The following PTPRE variants were observed in gnomAD, a reference collection of about 807,000 sequenced individuals.
PTPRE encodes the protein protein tyrosine phosphatase receptor type E.
In PTPRE, 51 loss-of-function variants were observed where a neutral mutation model predicts 102.0. The ratio of observed to expected loss-of-function variants is 0.50; its 90% CI spans 0.40 to 0.63. The LOEUF (loss-of-function observed/expected upper bound fraction) is 0.63. Among genes scored for constraint, PTPRE ranks in the 30% least tolerant of loss-of-function variants. The pLI is 0.00. For synonymous variants in PTPRE, 345 were observed against 348.2 expected (o/e 0.99, Z 0.10); for missense variants, 752 against 915.1 (o/e 0.82, Z 2.30).
chr10:127,952,049 T>C lies in PTPRE; in HGVS notation c.-30-30225T>C, dbSNP rs557158075. 1.2e-4 allele frequency among the ~76,000 whole-genome samples: 19 copies of C among 152,320 alleles called. No individual in the cohort carries two copies. In the East Asian group the frequency reaches 3.7e-3, roughly 29 times the overall value. On this transcript the variant is annotated intron_variant, in intron 1 of 20. Transcript: ENST00000254667. The stretch of plus-strand genomic sequence containing the variant: ...TCCAGAAGGCCCACCTGAAGCAGTT[T>C]GCCTTCAGCTGACAAGGCTAGCAAT...
At chr10:127,915,138 C>T (rs1383651936) in intron 1 of PTPRE, among the ~76,000 whole-genome samples, 2 of 152,194 alleles carry the variant, frequency 1.3e-5, no homozygotes, top group African/African-American at 2.4e-5. Flanking sequence ...AAGAGAATAA[C>T]ACATTTTAGC....
chr10:128,070,757 C>G lies in PTPRE; in HGVS notation c.1294-51C>G, dbSNP rs1336960413. 6.4e-7 allele frequency: 1 copy of G among 1,568,108 alleles called. No individual in the cohort carries two copies. Among genetic ancestry groups the G allele is most frequent in the South Asian group, 1.1e-5 (1 of 89,176 alleles). On this transcript the variant is annotated intron_variant, in intron 14 of 20. Transcript: ENST00000254667. The surrounding 1 kb of genome is among the most constrained non-coding windows in gnomAD (Gnocchi z 4.8). ...CACTAGTCCTCGGCTGAGCAATGTG[C>G]TCAGGAGTGTCAGAGGTTTAACTGT...
intron 2 of PTPRE, among the ~76,000 whole-genome samples, chr10:128,029,227 A>T (rs1039914778): frequency 6.6e-6 from 1 of 152,052 alleles, no homozygotes; most frequent in Admixed American, 6.6e-5. Context: ...AATCCTCTCA[A>T]CTGGCTGCAG....
At chr10:128,012,564 C>T (rs923736535) in intron 2 of PTPRE, among the ~76,000 whole-genome samples, 15 of 152,156 alleles carry the variant, frequency 9.9e-5, no homozygotes, top group Admixed American at 4.6e-4. Flanking sequence ...TGCTGTTGAA[C>T]GCCTGGGTTT....
At chr10:128,054,116 G>A (rs1003128101) in intron 6 of PTPRE, among the ~76,000 whole-genome samples, 2 of 152,086 alleles carry the variant, frequency 1.3e-5, no homozygotes, top group Non-Finnish European at 1.5e-5. Context: ...CAGAATAATT[G>A]CACAGAAAGT....
intron 7 of PTPRE, 50 bp from the exon 8 acceptor site, chr10:128,060,889 C>T (rs1849528340): frequency 7.1e-6 from 11 of 1,557,806 alleles, no homozygotes; most frequent in Non-Finnish European, 8.0e-6. Flanking sequence ...AGAGACAGCA[C>T]TGTGATTCCT....
intron 3 of PTPRE, among the ~76,000 whole-genome samples, chr10:128,041,612 C>A (rs932871438): frequency 1.4e-4 from 17 of 123,474 alleles, no homozygotes; most frequent in Non-Finnish European, 2.2e-4. Flanking sequence ...TGTGCCACTG[C>A]ACTCTTGCCT....
At chr10:128,004,314 G>A (rs892747826) in intron 2 of PTPRE, among the ~76,000 whole-genome samples, 21 of 151,768 alleles carry the variant, frequency 1.4e-4, no homozygotes, top group East Asian at 3.9e-4. Flanking sequence ...AAAATTCACC[G>A]TTTTGTACAT....
Position 128,063,116 on chromosome 10 carries a change from G to A in PTPRE, c.659G>A (p.Arg220Lys), listed in dbSNP as rs1849758477. Residue 220 changes from arginine to lysine, a missense_variant, in exon 10 of 21, where the codon AGA (arginine) becomes AAA (lysine). By Grantham distance (26) the Arg-to-Lys change is conservative (BLOSUM62 2). Coordinates refer to ENST00000254667, the MANE Select transcript of PTPRE (RefSeq NM_006504.6). ...PKQETVNDFW[R>K]MVWEQKSATI... is the part of the protein sequence containing the mutation. ...CAGGAAACGGTTAACGACTTCTGGAGAATGGTCTGGGAGCAAAAGTCTGCG... is the reference window on the plus strand; with the variant it reads ...CAGGAAACGGTTAACGACTTCTGGAAAATGGTCTGGGAGCAAAAGTCTGCG... 2 of 1,614,208 alleles carry A rather than the reference G, an allele frequency of 1.2e-6. No individual in the cohort carries two copies. Among genetic ancestry groups the A allele is most frequent in the Non-Finnish European group, 1.7e-6 (2 of 1,180,032 alleles).
intron 2 of PTPRE, among the ~76,000 whole-genome samples, chr10:128,014,065 G>A (rs767789422): frequency 6.6e-6 from 1 of 152,134 alleles, no homozygotes; most frequent in Non-Finnish European, 1.5e-5. Context: ...TCTCTGGGTC[G>A]TGGTCATCTC....
intron 2 of PTPRE, among the ~76,000 whole-genome samples, chr10:128,038,645 C>T (rs1015185578): frequency 1.2e-4 from 12 of 103,878 alleles, no homozygotes; most frequent in Middle Eastern, 0.01. Flanking sequence ...CATCACACAC[C>T]GGGGCCTGTC....
chr10:127,908,452 G>T (rs902949848), intron 1 of PTPRE, among the ~76,000 whole-genome samples: 1 of 151,950 alleles, frequency 6.6e-6, no homozygotes, highest in African/African-American at 2.4e-5. Context: ...GGGGAGGGGG[G>T]GTGTGGAGGG....
At chr10:128,030,960 G>A (rs1156516190) in intron 2 of PTPRE, among the ~76,000 whole-genome samples, 1 of 152,214 alleles carries the variant, frequency 6.6e-6, no homozygotes, top group East Asian at 1.9e-4. Context: ...CATGGCAGTT[G>A]CATTCTAGTT....
At chr10:127,919,341 T>G (rs567376378) in intron 1 of PTPRE, among the ~76,000 whole-genome samples, 4 of 152,354 alleles carry the variant, frequency 2.6e-5, no homozygotes, top group African/African-American at 9.6e-5. Context: ...GCTTTAGATG[T>G]TAACAATTTG....
chr10:127,998,030 T>C (rs1853450004), intron 2 of PTPRE: 1 of 152,236 alleles, frequency 6.6e-6, no homozygotes, highest in Non-Finnish European at 1.5e-5. Context: ...GTGTGTGGTG[T>C]GACTGCAATG....
intron 2 of PTPRE, among the ~76,000 whole-genome samples, chr10:128,027,131 C>A (rs1846344011): frequency 6.6e-6 from 1 of 152,222 alleles, no homozygotes. Flanking sequence ...AGGGTATTAG[C>A]AGGCAATGAG....
At chr10:128,009,701 G>C (rs1284114303) in intron 2 of PTPRE, among the ~76,000 whole-genome samples, 2 of 152,246 alleles carry the variant, frequency 1.3e-5, no homozygotes, top group Admixed American at 1.3e-4. Flanking sequence ...AGCCCTGAAA[G>C]ATGCTGAAAA....
chr10:128,047,628 A>G (rs1191053228), intron 4 of PTPRE, 136 bp from the exon 5 acceptor site: 10 of 1,614,122 alleles, frequency 6.2e-6, no homozygotes, highest in Non-Finnish European at 6.8e-6. Context: ...CACAGAGGCC[A>G]GGCCTTAGCG....
At chr10:128,067,094 GCA>G (rs1192349863) in intron 11 of PTPRE, among the ~76,000 whole-genome samples, 43 of 145,992 alleles carry the variant, frequency 2.9e-4, no homozygotes, top group African/African-American at 7.7e-4. Flanking sequence ...GCACACACAT[GCA>G]CACACACGCA....
Sources: gnomAD v4.1 joint callset for allele counts (sites outside exome capture counted in the v4.1 genomes callset) on GRCh38, gnomAD v4.1.1 for gene constraint, Gnocchi (gnomAD v3.1) non-coding constraint, MANE v1.5 for transcripts, NCBI Gene and HGNC (gene_info 2026-07-23, HGNC 2026-07-21) for gene names.